The following MCCC2 variants were observed in gnomAD, a reference collection of about 807,000 sequenced individuals.
The protein encoded by MCCC2 is methylcrotonoyl-CoA carboxylase beta chain, mitochondrial.
In MCCC2, 52 loss-of-function variants were observed where a neutral mutation model predicts 77.2. The ratio of observed to expected loss-of-function variants is 0.67; its 90% CI spans 0.54 to 0.85. The LOEUF (loss-of-function observed/expected upper bound fraction) is 0.85, where lower values mean the gene tolerates loss of function less well. Ranked by LOEUF, MCCC2 falls within the 40% of genes least tolerant of loss-of-function variation. MCCC2 has a pLI of 0.00. For missense variants in MCCC2, 682 were observed against 703.2 expected (o/e 0.97, Z 0.34); for synonymous variants, 253 against 248.4 (o/e 1.02, Z -0.18).
Position 71,633,131 on chromosome 5 carries a change from A to ATTTTTTTTAT in MCCC2, c.803+951_803+952insTTTATTTTTT, listed in dbSNP as rs1306338509. On this transcript the variant is annotated intron_variant, in intron 8 of 16. Coordinates refer to ENST00000340941, the MANE Select transcript of MCCC2 (RefSeq NM_022132.5). ...TATATATATATATATATATATATATATTTTTATTTTTTGTAGAAACAGGTG... is the reference window on the plus strand; with the variant it reads ...TATATATATATATATATATATATATATTTTTTTTATTTTTTATTTTTTGTAGAAACAGGTG... Among the ~76,000 whole-genome samples the ATTTTTTTTAT allele has an allele frequency of 3.3e-4, 26 of 78,082 alleles. 1 individual carries two copies. The highest frequency in any genetic ancestry group is 4.1e-4 in the South Asian group (1 of 2,424). 51.2% of individuals were successfully genotyped at this position (78,082 alleles called of 152,430 possible).
chr5:71,611,078 T>C (rs1212531955), intron 6 of MCCC2, among the ~76,000 whole-genome samples: 1 of 151,782 alleles, frequency 6.6e-6, no homozygotes. Flanking sequence ...CTAGGGAAAC[T>C]CTGATATATG....
chr5:71,656,947 G>T lies in MCCC2; in HGVS notation c.*87G>T, dbSNP rs1747598220. ...AAATTTTAGACTTCTCGAACATGAG[G>T]CTGTTACAGTAATTTTTTTAACACT... is the stretch of plus-strand genomic sequence containing the variant. On this transcript the variant is annotated 3_prime_UTR_variant, in exon 17 of 17. Transcript: ENST00000340941. 1 of 983,766 alleles carries T rather than the reference G, an allele frequency of 1.0e-6. No homozygotes were observed. The highest frequency in any genetic ancestry group is 1.6e-5 in the African/African-American group (1 of 62,650). The allele number at this position is 983,766 out of a possible 1,614,324, so 60.9% of individuals were successfully genotyped here. A position where few individuals can be genotyped will look rare whatever the true frequency, so the allele number is the denominator to read the frequency against.
chr5:71,624,684 T>G (rs1432607030), intron 6 of MCCC2, among the ~76,000 whole-genome samples: 46 of 112,592 alleles, frequency 4.1e-4, no homozygotes, highest in South Asian at 2.4e-3. Flanking sequence ...GCCCCTGCTT[T>G]CTTTCTTTCT....
At chr5:71,588,434 T>C (rs1744845933) in intron 1 of MCCC2, among the ~76,000 whole-genome samples, 1 of 152,208 alleles carries the variant, frequency 6.6e-6, no homozygotes, top group Non-Finnish European at 1.5e-5. Context: ...TCTAAGCCTA[T>C]ACAGATAACA....
At chr5:71,654,884 G>T (rs1438800003) in intron 16 of MCCC2, among the ~76,000 whole-genome samples, 1 of 151,262 alleles carries the variant, frequency 6.6e-6, no homozygotes, top group African/African-American at 2.4e-5. Flanking sequence ...GCCCAGGCTG[G>T]AGTGCAATGG....
chr5:71,629,470 A>G (rs1244645470), intron 7 of MCCC2, among the ~76,000 whole-genome samples: 1 of 152,194 alleles, frequency 6.6e-6, no homozygotes, highest in Non-Finnish European at 1.5e-5. Flanking sequence ...ATGCTTTAAA[A>G]TAGTGAATTT....
At chr5:71,614,709 C>T (rs1385091571) in intron 6 of MCCC2, among the ~76,000 whole-genome samples, 1 of 152,052 alleles carries the variant, frequency 6.6e-6, no homozygotes, top group Non-Finnish European at 1.5e-5. Flanking sequence ...GTCTCGAACT[C>T]CTGAGGTCAA....
Position 71,643,850 on chromosome 5 carries a change from T to G in MCCC2, c.1104T>G (p.Gly368=). 2 of 1,614,162 alleles carry G rather than the reference T, an allele frequency of 1.2e-6. No individual in the cohort carries two copies. The highest frequency in any genetic ancestry group is 1.7e-6 in the Non-Finnish European group (2 of 1,180,002). The stretch of plus-strand genomic sequence containing the variant: ...CTCGAATATTTGGGTACCCAGTAGG[T>G]ATCGTTGGAAACAACGGAGTTCTCT... The part of the protein sequence containing the change: ...GFARIFGYPV[G]IVGNNGVLFS... The change falls in exon 12 of 17, where the codon GGT becomes GGG. Residue 368 remains glycine (G), a synonymous_variant. Coordinates refer to ENST00000340941, the MANE Select transcript of MCCC2 (RefSeq NM_022132.5).
At chr5:71,593,978 G>A (rs956754138) in intron 2 of MCCC2, among the ~76,000 whole-genome samples, 2 of 151,944 alleles carry the variant, frequency 1.3e-5, no homozygotes, top group African/African-American at 2.4e-5. Flanking sequence ...TCTGTTGCTC[G>A]GGCTGGACTC....
chr5:71,590,731 C>T (rs1744940686), intron 1 of MCCC2, among the ~76,000 whole-genome samples: 1 of 151,722 alleles, frequency 6.6e-6, no homozygotes, highest in Non-Finnish European at 1.5e-5. Context: ...GCAGGAGAGT[C>T]GCTTGAACCC....
intron 6 of MCCC2, among the ~76,000 whole-genome samples, chr5:71,612,966 G>C (rs921674161): frequency 6.6e-6 from 1 of 152,174 alleles, no homozygotes; most frequent in Non-Finnish European, 1.5e-5. Context: ...GGGACATTCT[G>C]TTCCTTTCCT....
intron 7 of MCCC2, among the ~76,000 whole-genome samples, chr5:71,627,093 T>C (rs560185370): frequency 6.6e-6 from 1 of 152,358 alleles, no homozygotes; most frequent in South Asian, 2.1e-4. Flanking sequence ...TCATATAATA[T>C]CTGTCCTTTT....
At position 71,649,027 on chromosome 5, in the gene MCCC2, C is replaced by T. The variant is rs571945256; in HGVS notation, c.1217-70C>T. On this transcript the variant is annotated intron_variant, in intron 13 of 16. Transcript: ENST00000340941. ...GATGAGTTTAGTAAAACAAGATGTC[C>T]TTTTGGTGGAATTGCGTTCCGCATA... is the stretch of plus-strand genomic sequence containing the variant. The T allele has an allele frequency of 6.4e-6, 10 of 1,561,454 alleles. No individual in the cohort carries two copies. In the African/African-American group the frequency reaches 1.2e-4, roughly 19 times the overall value.
intron 16 of MCCC2, among the ~76,000 whole-genome samples, chr5:71,653,479 C>T (rs1747494926): frequency 6.6e-6 from 1 of 152,156 alleles, no homozygotes; most frequent in South Asian, 2.1e-4. Context: ...AAGAAAGTAA[C>T]TCTTTCTGCA....
At chr5:71,593,233 G>A (rs1022571491) in intron 2 of MCCC2, among the ~76,000 whole-genome samples, 1 of 151,918 alleles carries the variant, frequency 6.6e-6, no homozygotes, top group Non-Finnish European at 1.5e-5. Context: ...GATTACAGGT[G>A]CCTGCCTCCA....
chr5:71,612,231 A>G (rs1401847160), intron 6 of MCCC2, among the ~76,000 whole-genome samples: 4 of 152,222 alleles, frequency 2.6e-5, no homozygotes, highest in Non-Finnish European at 4.4e-5. Context: ...TGGAATATTT[A>G]TAATACAGAT....
Position 71,587,409 on chromosome 5 carries a change from G to C in MCCC2, c.-17G>C, listed in dbSNP as rs1398612861. The C allele has an allele frequency of 1.3e-6, 2 of 1,532,866 alleles. No individual in the cohort carries two copies. Among genetic ancestry groups the C allele is most frequent in the African/African-American group, 2.7e-5 (2 of 72,842 alleles). The allele number at this position is 1,532,866 out of a possible 1,614,324, so 95.0% of individuals were successfully genotyped here. ...CCAGGCCAGCGTGGGCCGCTCTCTCGCTCGGTGCCCGCCGCCATGTGGGCC... is the reference window on the plus strand; with the variant it reads ...CCAGGCCAGCGTGGGCCGCTCTCTCCCTCGGTGCCCGCCGCCATGTGGGCC... On this transcript the variant is annotated 5_prime_UTR_variant, in exon 1 of 17. Coordinates refer to ENST00000340941, the MANE Select transcript of MCCC2 (RefSeq NM_022132.5).
intron 2 of MCCC2, among the ~76,000 whole-genome samples, 195 bp from the exon 3 acceptor site, chr5:71,596,085 T>TC (rs1745175152): frequency 6.6e-6 from 1 of 152,064 alleles, no homozygotes; most frequent in African/African-American, 2.4e-5. Context: ...ATTGATTTTT[T>TC]TTTAATACCA....
At chr5:71,611,828 G>C (rs951648308) in intron 6 of MCCC2, among the ~76,000 whole-genome samples, 1 of 136,248 alleles carries the variant, frequency 7.3e-6, no homozygotes, top group African/African-American at 2.7e-5. Flanking sequence ...TTGCTCTGTT[G>C]CCCAGGCTGG....
Sources: gnomAD v4.1 joint callset for allele counts (sites outside exome capture counted in the v4.1 genomes callset) on GRCh38, gnomAD v4.1.1 for gene constraint, MANE v1.5 for transcripts, NCBI Gene and HGNC (gene_info 2026-07-23, HGNC 2026-07-21) for gene names.